The following ACER3 variants were observed in gnomAD, a reference collection of about 807,000 sequenced individuals.
ACER3 encodes the protein alkaline ceramidase 3, also known as alkCDase 3.
Under a neutral mutation model 48.9 loss-of-function variants are expected in ACER3, and 16 were observed. The ratio of observed to expected loss-of-function variants is 0.33; its 90% CI spans 0.22 to 0.50. The LOEUF is 0.50. Ranked by LOEUF, ACER3 falls within the 20% of genes least tolerant of loss-of-function variation. The probability of loss-of-function intolerance (pLI) is 0.98; values close to 1 mark genes in which losing one functional copy is unlikely to be tolerated. For synonymous variants in ACER3, 109 were observed against 107.8 expected, an observed-to-expected ratio of 1.01 and a Z score of -0.07; for missense variants, 227 against 326.0, an observed-to-expected ratio of 0.70 and a Z score of 2.34.
At chr11:76,937,012 C>T (rs752967719) in intron 2 of ACER3, among the ~76,000 whole-genome samples, 16 of 151,790 alleles carry the variant, frequency 1.1e-4, no homozygotes, top group South Asian at 4.2e-4. Flanking sequence ...CCACTGTGCC[C>T]GGCCAATAAT....
At chr11:76,896,423 C>G (rs914524104) in intron 1 of ACER3, among the ~76,000 whole-genome samples, 1 of 144,888 alleles carries the variant, frequency 6.9e-6, no homozygotes, top group Non-Finnish European at 1.5e-5. Context: ...CTTTGGGAAG[C>G]TAAGGCGGGC....
chr11:76,976,255 A>C, intron 3 of ACER3, 34 bp from the exon 4 acceptor site: 1 of 1,504,096 alleles, frequency 6.6e-7, no homozygotes. Context: ...GCTCCATGAT[A>C]TTCAAGCCTG....
At chr11:76,934,759 CGGAGA>C (rs1565186638) in intron 2 of ACER3, among the ~76,000 whole-genome samples, 1 of 116,846 alleles carries the variant, frequency 8.6e-6, no homozygotes, top group Non-Finnish European at 2.1e-5. Context: ...CGTGGGGAGA[CGGAGA>C]GGGAGAAGGA....
intron 1 of ACER3, among the ~76,000 whole-genome samples, chr11:76,920,689 T>C (rs1438810174): frequency 1.3e-5 from 2 of 151,528 alleles, no homozygotes; most frequent in Non-Finnish European, 2.9e-5. Context: ...CAGGCTGCAG[T>C]GCAGTGGTGT....
intron 1 of ACER3, among the ~76,000 whole-genome samples, chr11:76,898,903 C>CAAAAAAAAAAA (rs59278347): frequency 7.2e-5 from 4 of 55,830 alleles, no homozygotes; most frequent in African/African-American, 3.4e-4. Context: ...GACTCCGTCT[C>CAAAAAAAAAAA]AAAAAAAAAA....
intron 1 of ACER3, among the ~76,000 whole-genome samples, chr11:76,914,453 A>G (rs1946469305): frequency 6.6e-6 from 1 of 152,346 alleles, no homozygotes. Flanking sequence ...AATGCTCACC[A>G]TCACTGGCCA....
intron 2 of ACER3, among the ~76,000 whole-genome samples, chr11:76,948,956 C>T (rs1042472472): frequency 1.8e-4 from 28 of 152,172 alleles, no homozygotes; most frequent in Non-Finnish European, 4.4e-5. Flanking sequence ...AACTGAGTCT[C>T]AAAGAGATTT....
intron 2 of ACER3, among the ~76,000 whole-genome samples, chr11:76,942,525 G>A (rs1947364943): frequency 6.6e-6 from 1 of 151,968 alleles, no homozygotes; most frequent in Non-Finnish European, 1.5e-5. Context: ...TGCCTCCCTG[G>A]GATAAATGCC....
At chr11:76,908,484 A>G (rs779619386) in intron 1 of ACER3, among the ~76,000 whole-genome samples, 2 of 152,008 alleles carry the variant, frequency 1.3e-5, no homozygotes, top group African/African-American at 4.8e-5. Flanking sequence ...TCATGAGGGA[A>G]CTCCCATTCA....
rs1555025650 is a variant in ACER3, at chr11:77,025,809, C to G, written c.*5482C>G. The G allele has an allele frequency of 6.6e-6, 1 of 152,246 alleles. No homozygotes were observed. 9.4% of individuals were successfully genotyped at this position (152,246 alleles called of 1,614,324 possible). A position where few individuals can be genotyped will look rare whatever the true frequency, so the allele number is the denominator to read the frequency against. On this transcript the variant is annotated 3_prime_UTR_variant, in exon 11 of 11. Coordinates refer to ENST00000532485, the MANE Select transcript of ACER3 (RefSeq NM_018367.7). The stretch of plus-strand genomic sequence containing the variant: ...TTTACTCTCTGGCTTGGGAGTTTGT[C>G]TCCCCTGCTCTAGACTGTCAGCAAG...
At chr11:76,940,634 CCTT>C (rs1244666996) in intron 2 of ACER3, among the ~76,000 whole-genome samples, 22 of 152,112 alleles carry the variant, frequency 1.4e-4, no homozygotes, top group Non-Finnish European at 2.9e-5. Context: ...ACTTAACAAT[CCTT>C]CTCTTCTTAT....
intron 1 of ACER3, among the ~76,000 whole-genome samples, chr11:76,877,374 A>G (rs1945407526): frequency 6.6e-6 from 1 of 152,206 alleles, no homozygotes; most frequent in African/African-American, 2.4e-5. Context: ...TGATGCTGCT[A>G]TAAAAGCTGT....
chr11:76,899,461 G>A (rs1272242564), intron 1 of ACER3, among the ~76,000 whole-genome samples: 7 of 152,032 alleles, frequency 4.6e-5, no homozygotes, highest in East Asian at 1.9e-4. Context: ...TTTCATCATC[G>A]AAATCTTAGT....
intron 2 of ACER3, among the ~76,000 whole-genome samples, chr11:76,932,102 C>T (rs949813283): frequency 1.3e-5 from 2 of 152,054 alleles, no homozygotes; most frequent in Non-Finnish European, 2.9e-5. Flanking sequence ...GCGTATGCCA[C>T]CATGCCTGGC....
At chr11:76,928,724 T>C (rs950645221) in intron 2 of ACER3, among the ~76,000 whole-genome samples, 1 of 152,210 alleles carries the variant, frequency 6.6e-6, no homozygotes, top group Non-Finnish European at 1.5e-5. Flanking sequence ...AGGAATCCTT[T>C]CCCCATTTCT....
At chr11:76,918,260 T>G (rs1276866977) in intron 1 of ACER3, among the ~76,000 whole-genome samples, 1 of 121,420 alleles carries the variant, frequency 8.2e-6, no homozygotes, top group East Asian at 4.6e-4. Context: ...TGGTTTCCTG[T>G]TTTTTTTTTC....
chr11:76,917,185 A>T (rs1946555579), intron 1 of ACER3, among the ~76,000 whole-genome samples: 1 of 152,148 alleles, frequency 6.6e-6, no homozygotes, highest in South Asian at 2.1e-4. Flanking sequence ...CGACTTCTGG[A>T]TGAAATGTTT....
chr11:76,916,195 G>A (rs973847516), intron 1 of ACER3, among the ~76,000 whole-genome samples: 1 of 152,176 alleles, frequency 6.6e-6, no homozygotes, highest in South Asian at 2.1e-4. Flanking sequence ...GGATGAATCT[G>A]TTAAATTAAT....
intron 7 of ACER3, among the ~76,000 whole-genome samples, chr11:77,007,301 T>C (rs925156673): frequency 6.6e-6 from 1 of 152,122 alleles, no homozygotes; most frequent in African/African-American, 2.4e-5. Flanking sequence ...CTCTTCCTCC[T>C]CTCCTTCTGG....
Sources: gnomAD v4.1 joint callset for allele counts (sites outside exome capture counted in the v4.1 genomes callset) on GRCh38, gnomAD v4.1.1 for gene constraint, MANE v1.5 for transcripts, NCBI Gene and HGNC (gene_info 2026-07-23, HGNC 2026-07-21) for gene names.